Variants in WWP1 observed in about 807,000 individuals in gnomAD.
The protein encoded by WWP1 is WW domain containing E3 ubiquitin protein ligase 1, also known as NEDD4-like E3 ubiquitin-protein ligase WWP1.
Under a neutral mutation model 130.6 loss-of-function variants are expected in WWP1, and 49 were observed. That is an observed-to-expected ratio of 0.38 (90% CI 0.30 to 0.48). WWP1 has a LOEUF of 0.48. Ranked by LOEUF, WWP1 falls within the 20% of genes least tolerant of loss-of-function variation. WWP1 has a pLI of 0.99. For missense variants in WWP1, 809 were observed against 1,100.6 expected (o/e 0.74, Z 3.75); for synonymous variants, 332 against 367.8 (o/e 0.90, Z 1.11).
At position 86,435,513 on chromosome 8, in the gene WWP1, C is replaced by A; in HGVS notation, c.1663C>A (p.Arg555Ser). ...RGFRWKLAHFRYLCQSNALPS... is the reference protein window; with the variant it reads ...RGFRWKLAHFSYLCQSNALPS... ...CTTTAGGTGGAAGCTTGCTCACTTC[C>A]GTTATTTGTGCCAGGTACTATAGTG... The change falls in exon 15 of 25, where the codon CGT becomes AGT. Residue 555 changes from arginine to serine, a missense_variant. Transcript: ENST00000517970. 6.2e-7 allele frequency: 1 copy of A among 1,614,046 alleles called. No homozygotes were observed. The highest frequency in any genetic ancestry group is 8.5e-7 in the Non-Finnish European group (1 of 1,180,008).
At chr8:86,385,472 T>C (rs1336210331) in intron 5 of WWP1, among the ~76,000 whole-genome samples, 3 of 152,158 alleles carry the variant, frequency 2.0e-5, no homozygotes, top group African/African-American at 7.2e-5. Flanking sequence ...AAACTTCCAG[T>C]ATGATTTCTG....
At chr8:86,436,578 C>T (rs961458546) in intron 16 of WWP1, among the ~76,000 whole-genome samples, 2 of 152,040 alleles carry the variant, frequency 1.3e-5, no homozygotes, top group Non-Finnish European at 2.9e-5. Flanking sequence ...TGCTGTTCTG[C>T]CTAGTACGTA....
intron 1 of WWP1, among the ~76,000 whole-genome samples, chr8:86,367,413 C>G (rs1466791211): frequency 6.6e-6 from 1 of 152,134 alleles, no homozygotes; most frequent in African/African-American, 2.4e-5. Context: ...CTTTCTTTCA[C>G]AATTTTGCTT....
intron 9 of WWP1, chr8:86,417,168 C>G (rs1808935289): frequency 6.6e-6 from 1 of 152,258 alleles, no homozygotes; most frequent in Non-Finnish European, 1.5e-5. Flanking sequence ...ACCAGGAACT[C>G]TGTGTTCTGA....
chr8:86,390,368 AGCCGAGATCAC>A (rs1807232023), intron 5 of WWP1, among the ~76,000 whole-genome samples: 1 of 152,136 alleles, frequency 6.6e-6, no homozygotes, highest in African/African-American at 2.4e-5. Flanking sequence ...GGTTGTAGCA[AGCCGAGATCAC>A]GCCACTGCAC....
intron 1 of WWP1, among the ~76,000 whole-genome samples, chr8:86,349,123 G>A (rs1822767084): frequency 6.6e-6 from 1 of 152,176 alleles, no homozygotes; most frequent in African/African-American, 2.4e-5. Flanking sequence ...CCAGGTTCAA[G>A]CAATTCTCCT....
At chr8:86,406,652 CTGTGTGTGTA>C (rs1421411121) in intron 8 of WWP1, among the ~76,000 whole-genome samples, 1 of 152,008 alleles carries the variant, frequency 6.6e-6, no homozygotes, top group Non-Finnish European at 1.5e-5. Context: ...CCATTTCTAC[CTGTGTGTGTA>C]TGTGTGTGTG....
chr8:86,411,980 A>T, intron 9 of WWP1, 106 bp downstream of exon 9: 1 of 1,117,860 alleles, frequency 8.9e-7, no homozygotes, highest in African/African-American at 1.6e-5. Context: ...GAACTTTGAA[A>T]TCTAAGTTGG....
At chr8:86,401,345 A>G (rs76073914) in intron 7 of WWP1, among the ~76,000 whole-genome samples, 1,915 of 152,248 alleles carry the variant, frequency 0.013, 18 homozygotes, top group Middle Eastern at 0.027. Context: ...GGATCGCTTG[A>G]GGCCAGGAAT....
chr8:86,441,848 T>G (rs759491080), intron 17 of WWP1, among the ~76,000 whole-genome samples: 22 of 152,196 alleles, frequency 1.4e-4, no homozygotes, highest in Non-Finnish European at 2.6e-4. Context: ...TGTAAGCATT[T>G]GAGTTTGGAA....
At chr8:86,440,226 G>T (rs889410665) in intron 17 of WWP1, among the ~76,000 whole-genome samples, 3 of 152,018 alleles carry the variant, frequency 2.0e-5, no homozygotes, top group African/African-American at 7.2e-5. Flanking sequence ...AACTATTTGG[G>T]TCTAAGTTTT....
intron 18 of WWP1, 55 bp from the exon 19 acceptor site, chr8:86,448,093 C>G: frequency 6.9e-7 from 1 of 1,447,812 alleles, no homozygotes; most frequent in East Asian, 2.5e-5. Context: ...TCATTGTTCT[C>G]TAAGAAATTG....
Position 86,420,572 on chromosome 8 carries a change from A to G in WWP1, c.1062-4651A>G, listed in dbSNP as rs1405622259. Among the ~76,000 whole-genome samples, 3 of 152,324 alleles carry G rather than the reference A, an allele frequency of 2.0e-5. No homozygotes were observed. The East Asian group carries it at 5.8e-4, about 29-fold the overall frequency. On this transcript the variant is annotated intron_variant, in intron 9 of 24. Transcript: ENST00000517970. ...CTTCACCTTTCCTAATAAAAAGTCAATACATTATGTTTGAAATTAAACAAA... is the reference window on the plus strand; with the variant it reads ...CTTCACCTTTCCTAATAAAAAGTCAGTACATTATGTTTGAAATTAAACAAA...
chr8:86,364,510 T>G (rs2130236977), intron 1 of WWP1, among the ~76,000 whole-genome samples: 2 of 152,266 alleles, frequency 1.3e-5, no homozygotes, highest in South Asian at 4.2e-4. Flanking sequence ...GAGTTTTCTG[T>G]GTAATTGTTT....
At chr8:86,459,985 A>G (rs1349808670) in intron 22 of WWP1, among the ~76,000 whole-genome samples, 1 of 152,248 alleles carries the variant, frequency 6.6e-6, no homozygotes, top group African/African-American at 2.4e-5. Flanking sequence ...TGATTAGCAC[A>G]GCTATTTTGT....
At chr8:86,395,972 G>A (rs969414917) in intron 5 of WWP1, among the ~76,000 whole-genome samples, 5 of 152,146 alleles carry the variant, frequency 3.3e-5, no homozygotes, top group Non-Finnish European at 7.3e-5. Context: ...ATTTTAGGGA[G>A]AAGCCAAATC....
chr8:86,443,937 T>C lies in WWP1; in HGVS notation c.1998+1159T>C, dbSNP rs370036792. ...GATTGAGAGATGCTGTGTGGGACCT[T>C]TAGGAAATTCACATAAGAGTTGAGT... On this transcript the variant is annotated intron_variant, in intron 18 of 24. Coordinates refer to ENST00000517970, the MANE Select transcript of WWP1 (RefSeq NM_007013.4). 1.4e-4 allele frequency among the ~76,000 whole-genome samples: 21 copies of C among 152,228 alleles called. No individual in the cohort carries two copies. The East Asian group carries it at 2.5e-3, about 18-fold the overall frequency.
At position 86,417,316 on chromosome 8, in the gene WWP1, G is replaced by A. The variant is rs976137406; in HGVS notation, c.1061+5442G>A. ...CATAATCATCTTGATTATACCTTTG[G>A]TTCACAAAGCCTAAGATATTTACCG... On this transcript the variant is annotated intron_variant, in intron 9 of 24. Transcript: ENST00000517970. The A allele has an allele frequency of 2.6e-5, 4 of 151,978 alleles. No individual in the cohort carries two copies. The South Asian group carries it at 8.3e-4, about 32-fold the overall frequency. The allele number at this position is 151,978 out of a possible 1,614,324, so 9.4% of individuals were successfully genotyped here.
chr8:86,425,442 T>A, intron 10 of WWP1, 124 bp downstream of exon 10: 1 of 596,720 alleles, frequency 1.7e-6, no homozygotes, highest in Non-Finnish European at 2.7e-6. Context: ...TACATTTCCT[T>A]ATATAAATAA....
Sources: allele counts gnomAD v4.1 joint callset (sites outside exome capture counted in the v4.1 genomes callset), GRCh38; gene constraint gnomAD v4.1.1; transcripts MANE v1.5; gene names NCBI Gene and HGNC (gene_info 2026-07-23, HGNC 2026-07-21).